The following SNX25 variants were observed in gnomAD, a reference collection of about 807,000 sequenced individuals.
The protein encoded by SNX25 is sorting nexin-25.
SNX25 carries 62 observed loss-of-function variants against 113.7 expected under a neutral mutation model. The ratio of observed to expected loss-of-function variants is 0.55; its 90% CI spans 0.44 to 0.67. SNX25 has a LOEUF of 0.67. Ranked by LOEUF, SNX25 falls within the 30% of genes least tolerant of loss-of-function variation. SNX25 has a pLI of 0.00. For synonymous variants in SNX25, 421 were observed against 436.2 expected, an observed-to-expected ratio of 0.97 and a Z score of 0.43; for missense variants, 1,014 against 1,161.0, an observed-to-expected ratio of 0.87 and a Z score of 1.84.
chr4:185,361,544 C>T (rs2095363936), intron 16 of SNX25, among the ~76,000 whole-genome samples: 2 of 152,104 alleles, frequency 1.3e-5, no homozygotes, highest in Admixed American at 1.3e-4. Flanking sequence ...TTGAGACCAG[C>T]CTGGCCAACA....
rs368153989 is a variant in SNX25 at position 185,363,386 on chromosome 4, C to T, written c.2936C>T (p.Ala979Val). 2.1e-5 allele frequency: 34 copies of T among 1,613,810 alleles called. No homozygotes were observed. Among genetic ancestry groups the T allele is most frequent in the South Asian group, 1.6e-4 (15 of 91,086 alleles). The change falls in exon 19 of 19, where the codon GCG becomes GTG. Residue 979 changes from alanine (A) to valine (V), a missense_variant and splice_region_variant. Physicochemically the swap from Ala to Val is moderately conservative, Grantham distance 64. Transcript: ENST00000652585. The surrounding 1 kb of genome is among the most constrained non-coding windows in gnomAD (Gnocchi z 4.2). ...ETRANKHLLYALMELLLIELC... is the reference protein window; with the variant it reads ...ETRANKHLLYVLMELLLIELC... Reference sequence around the variant, plus strand: ...TTTTTTCCTTCTTTGTTGGTTCAGGCGCTGATGGAACTGCTGCTAATTGAA... The same window carrying T: ...TTTTTTCCTTCTTTGTTGGTTCAGGTGCTGATGGAACTGCTGCTAATTGAA...
At chr4:185,291,322 C>T (rs907037066) in intron 6 of SNX25, among the ~76,000 whole-genome samples, 1 of 152,148 alleles carries the variant, frequency 6.6e-6, no homozygotes, top group Non-Finnish European at 1.5e-5. Context: ...TTTTCATCTT[C>T]CCAAACTGAA....
rs566693905 is a variant in SNX25, at chr4:185,251,886, A to G, written c.514+4508A>G. 4.0e-5 allele frequency among the ~76,000 whole-genome samples: 6 copies of G among 150,986 alleles called. No homozygotes were observed. The South Asian group carries it at 1.0e-3, about 26-fold the overall frequency. ...AAACATTATCCTGAAGCTAATTTCT[A>G]TTCAGTGATTTCTTCTGAAAGGAAA... On this transcript the variant is annotated intron_variant, in intron 2 of 18. Transcript: ENST00000652585.
downstream of SNX25, chr4:185,374,022 A>C (rs1174867309): frequency 1.3e-5 from 11 of 831,104 alleles, no homozygotes; most frequent in East Asian, 2.9e-4. Flanking sequence ...TTTACATTTA[A>C]AGGAACTATA....
chr4:185,218,472 G>A (rs1409855673), intron 1 of SNX25, among the ~76,000 whole-genome samples: 1 of 152,214 alleles, frequency 6.6e-6, no homozygotes, highest in South Asian at 2.1e-4. Context: ...CAGCCCAGGT[G>A]CTGCTTTGGG....
chr4:185,226,443 A>G (rs886480939), intron 1 of SNX25, among the ~76,000 whole-genome samples: 6 of 152,198 alleles, frequency 3.9e-5, no homozygotes, highest in Middle Eastern at 3.4e-3. Flanking sequence ...GTCTGAAAAA[A>G]CTAAATTTTT....
intron 2 of SNX25, among the ~76,000 whole-genome samples, chr4:185,255,040 G>A (rs140161478): frequency 6.6e-6 from 1 of 152,214 alleles, no homozygotes; most frequent in East Asian, 1.9e-4. Flanking sequence ...TTGACCCGTA[G>A]GGTATGTTTT....
chr4:185,294,744 C>G (rs558265765), intron 6 of SNX25, among the ~76,000 whole-genome samples: 341 of 152,298 alleles, frequency 2.2e-3, no homozygotes, highest in African/African-American at 7.5e-3. Flanking sequence ...ATTATACCCT[C>G]TGCTGTCTCC....
intron 6 of SNX25, among the ~76,000 whole-genome samples, chr4:185,294,321 C>G (rs1436248758): frequency 2.0e-5 from 3 of 152,156 alleles, no homozygotes; most frequent in African/African-American, 7.2e-5. Flanking sequence ...ACTTGGGGGC[C>G]TTGGTTCAAG....
At chr4:185,261,893 T>G (rs1184909962) in intron 3 of SNX25, among the ~76,000 whole-genome samples, 1 of 152,236 alleles carries the variant, frequency 6.6e-6, no homozygotes, top group Non-Finnish European at 1.5e-5. Context: ...GTCACTGGCA[T>G]TTTTCATATA....
intron 1 of SNX25, among the ~76,000 whole-genome samples, chr4:185,212,494 T>G (rs1738075392): frequency 2.2e-5 from 3 of 133,716 alleles, no homozygotes; most frequent in African/African-American, 6.7e-5. Context: ...TGTGTGTGTT[T>G]TTTTTTTTTT....
chr4:185,360,007 A>G (rs989041869), intron 16 of SNX25, among the ~76,000 whole-genome samples: 1 of 152,238 alleles, frequency 6.6e-6, no homozygotes, highest in African/African-American at 2.4e-5. Context: ...GCAGCAGCAC[A>G]GTGCGTGTCT....
At chr4:185,310,479 G>C (rs1435504971) in intron 6 of SNX25, among the ~76,000 whole-genome samples, 156 bp from the exon 7 acceptor site, 2 of 152,176 alleles carry the variant, frequency 1.3e-5, no homozygotes, top group Non-Finnish European at 2.9e-5. Context: ...TTATTTGGGA[G>C]TATGTATATG....
At chr4:185,285,119 A>G (rs1560968763) in intron 5 of SNX25, among the ~76,000 whole-genome samples, 1 of 152,218 alleles carries the variant, frequency 6.6e-6, no homozygotes, top group Non-Finnish European at 1.5e-5. Context: ...CATTCATTTC[A>G]TCTCTATTTT....
chr4:185,333,423 C>G (rs1176067047), intron 10 of SNX25, among the ~76,000 whole-genome samples: 1 of 152,188 alleles, frequency 6.6e-6, no homozygotes, highest in African/African-American at 2.4e-5. Flanking sequence ...TTCAGTGACT[C>G]ACATTGGGTT....
intron 1 of SNX25, among the ~76,000 whole-genome samples, chr4:185,218,657 G>T (rs770895564): frequency 2.0e-5 from 3 of 152,322 alleles, no homozygotes; most frequent in African/African-American, 2.4e-5. Context: ...CAAGTAAAAT[G>T]CTTCTGAAGC....
At chr4:185,328,100 A>G (rs1158450416) in intron 9 of SNX25, among the ~76,000 whole-genome samples, 1 of 152,208 alleles carries the variant, frequency 6.6e-6, no homozygotes, top group African/African-American at 2.4e-5. Context: ...AGTTCTTTTA[A>G]TAGACATTGC....
chr4:185,328,987 A>G (rs999608672), intron 9 of SNX25, among the ~76,000 whole-genome samples: 2 of 152,092 alleles, frequency 1.3e-5, no homozygotes, highest in Non-Finnish European at 2.9e-5. Flanking sequence ...GGGGTTTCCA[A>G]GGAAGGGGTT....
chr4:185,259,544 T>C (rs1238201606), intron 3 of SNX25, among the ~76,000 whole-genome samples: 1 of 152,196 alleles, frequency 6.6e-6, no homozygotes, highest in Non-Finnish European at 1.5e-5. Flanking sequence ...GAAATTTCAT[T>C]ATGAAAGTAG....
Sources: allele counts gnomAD v4.1 joint callset (sites outside exome capture counted in the v4.1 genomes callset), GRCh38; gene constraint gnomAD v4.1.1; non-coding constraint Gnocchi (gnomAD v3.1); transcripts MANE v1.5; gene names NCBI Gene and HGNC (gene_info 2026-07-23, HGNC 2026-07-21).